FOCAD: variants seen among roughly 807,000 people sequenced by gnomAD.
The protein encoded by FOCAD is KIAA1797.
A neutral mutation model predicts 225.6 loss-of-function variants in FOCAD; 198 were observed. That is an observed-to-expected ratio of 0.88 (90% CI 0.78 to 0.99). The LOEUF is 0.99. Ranked by LOEUF, FOCAD falls within the 50% of genes least tolerant of loss-of-function variation. FOCAD has a pLI of 0.00. For missense variants in FOCAD, 2,713 were observed against 2,123.6 expected, an observed-to-expected ratio of 1.28 and a Z score of -5.46; for synonymous variants, 897 against 755.0, an observed-to-expected ratio of 1.19 and a Z score of -3.08.
chr9:20,981,030 C>T (rs1840648900), intron 37 of FOCAD, among the ~76,000 whole-genome samples: 1 of 152,168 alleles, frequency 6.6e-6, no homozygotes, highest in Non-Finnish European at 1.5e-5. Context: ...TGATTTTCAG[C>T]AGTTGAGCCT....
chr9:20,986,181 A>G (rs904383502), intron 39 of FOCAD, 107 bp from the exon 40 acceptor site: 4 of 1,063,184 alleles, frequency 3.8e-6, no homozygotes, highest in African/African-American at 3.2e-5. Context: ...AATGAACAGA[A>G]TAGTAACATC....
At chr9:20,687,701 A>G (rs191622323) in intron 1 of FOCAD, among the ~76,000 whole-genome samples, 87 of 152,298 alleles carry the variant, frequency 5.7e-4, no homozygotes, top group Admixed American at 1.5e-3. Context: ...TGTATTCATT[A>G]TTTTTTATTT....
At chr9:20,981,361 A>G in intron 37 of FOCAD, 65 bp from the exon 38 acceptor site, 1 of 1,536,246 alleles carries the variant, frequency 6.5e-7, no homozygotes, top group East Asian at 2.3e-5. Flanking sequence ...GATGATGTAC[A>G]GGTTTTGAAC....
chr9:20,704,873 A>G (rs1824252763), intron 1 of FOCAD, among the ~76,000 whole-genome samples: 1 of 152,218 alleles, frequency 6.6e-6, no homozygotes, highest in Non-Finnish European at 1.5e-5. Context: ...CTTTATTAAA[A>G]TTACAAAACA....
At chr9:20,961,132 GCTCCT>G (rs907171465) in intron 35 of FOCAD, among the ~76,000 whole-genome samples, 4 of 151,114 alleles carry the variant, frequency 2.6e-5, no homozygotes, top group Non-Finnish European at 3.0e-5. Flanking sequence ...GTAAGAAATG[GCTCCT>G]CTCCTCTCCT....
chr9:20,777,825 G>A (rs1029623338), intron 8 of FOCAD, among the ~76,000 whole-genome samples: 17 of 151,992 alleles, frequency 1.1e-4, no homozygotes, highest in South Asian at 2.1e-4. Flanking sequence ...TGTTTAGGCC[G>A]GGCTCGGTGG....
Position 20,874,741 on chromosome 9 carries a change from G to C in FOCAD, c.2251G>C (p.Asp751His). 1 of 1,613,596 alleles carries C rather than the reference G, an allele frequency of 6.2e-7. No individual in the cohort carries two copies. ...TGACGATGAAGATGTTGAGGATGTG[G>C]ATCTTTCAGTTCCTGGCTCTTGCTA... The part of the protein sequence containing the change: ...LDDDEDVEDV[D>H]LSVPGSCYLK... The change falls in exon 19 of 44, where the codon GAT becomes CAT. Residue 751 changes from aspartate (D) to histidine (H), a missense_variant. Physicochemically the swap from Asp to His is moderately conservative, Grantham distance 81 (BLOSUM62 -1). Transcript: ENST00000338382.
At chr9:20,764,442 C>T (rs1452604913) in intron 6 of FOCAD, among the ~76,000 whole-genome samples, 1 of 152,160 alleles carries the variant, frequency 6.6e-6, no homozygotes, top group Non-Finnish European at 1.5e-5. Flanking sequence ...TTAGTAGAGA[C>T]AGTGTTTCAC....
chr9:20,990,582 G>A (rs1156746563), intron 42 of FOCAD, among the ~76,000 whole-genome samples: 1 of 152,210 alleles, frequency 6.6e-6, no homozygotes, highest in African/African-American at 2.4e-5. Flanking sequence ...CAAGGTGGCA[G>A]CTTGCTTACA....
chr9:20,733,378 T>C (rs1352007378), intron 4 of FOCAD, among the ~76,000 whole-genome samples: 2 of 152,174 alleles, frequency 1.3e-5, no homozygotes, highest in Admixed American at 6.5e-5. Flanking sequence ...TATTATACTT[T>C]AAGTTTTAGG....
rs765136550 is a variant in FOCAD at position 20,995,543 on chromosome 9, T to G, written c.5333-13T>G. 4 of 1,610,332 alleles carry G rather than the reference T, an allele frequency of 2.5e-6. No individual in the cohort carries two copies. Among genetic ancestry groups the G allele is most frequent in the Non-Finnish European group, 3.4e-6 (4 of 1,176,922 alleles). On this transcript the variant is annotated splice_polypyrimidine_tract_variant and intron_variant, in intron 43 of 43. Transcript: ENST00000338382. ...TTTTCAAATGCAGCCATACCTATAT[T>G]TTGTCCCCTTAGCCACCCTGCTGTC...
At chr9:20,762,590 C>T (rs764070532) in intron 6 of FOCAD, among the ~76,000 whole-genome samples, 3 of 152,086 alleles carry the variant, frequency 2.0e-5, no homozygotes, top group Non-Finnish European at 4.4e-5. Flanking sequence ...ATCTTAATGG[C>T]ATTTTGAAAT....
At chr9:20,794,545 C>A (rs111498714) in intron 11 of FOCAD, among the ~76,000 whole-genome samples, 2 of 152,242 alleles carry the variant, frequency 1.3e-5, no homozygotes, top group African/African-American at 4.8e-5. Flanking sequence ...CCAGAAAACT[C>A]TTTCCCTGAG....
intron 42 of FOCAD, 38 bp downstream of exon 42, chr9:20,990,412 C>A (rs1280943037): frequency 1.2e-6 from 2 of 1,605,540 alleles, no homozygotes; most frequent in South Asian, 2.2e-5. Context: ...GGGCAGGCAG[C>A]CATTGTCTCT....
In FOCAD at chr9:20,854,845, C is replaced by G. The variant is rs1292413538; in HGVS notation, c.1921-7733C>G. Among the ~76,000 whole-genome samples the G allele has an allele frequency of 2.0e-5, 3 of 151,720 alleles. No individual in the cohort carries two copies. The East Asian group carries it at 5.8e-4, about 29-fold the overall frequency. On this transcript the variant is annotated intron_variant, in intron 15 of 43. Transcript: ENST00000338382. Reference sequence around the variant, plus strand: ...TGATTGATTGATTACATGTTTTGCCCCTACTATTCAATGGTAGATTTAGCA... The same window carrying G: ...TGATTGATTGATTACATGTTTTGCCGCTACTATTCAATGGTAGATTTAGCA...
chr9:20,918,528 C>T (rs1057036829), intron 24 of FOCAD, among the ~76,000 whole-genome samples: 1 of 151,930 alleles, frequency 6.6e-6, no homozygotes, highest in East Asian at 1.9e-4. Flanking sequence ...TCGAGACCAT[C>T]CCGGCTAAAA....
intron 23 of FOCAD, among the ~76,000 whole-genome samples, chr9:20,913,767 A>G (rs2132064518): frequency 6.6e-6 from 1 of 152,328 alleles, no homozygotes; most frequent in East Asian, 1.9e-4. Flanking sequence ...TATTGGATTT[A>G]GGATTAGAGG....
intron 23 of FOCAD, 115 bp from the exon 24 acceptor site, chr9:20,916,778 T>G: frequency 1.1e-6 from 1 of 886,292 alleles, no homozygotes. Context: ...ATTCTACCTG[T>G]ATAGTTTTAA....
chr9:20,712,147 C>G (rs1215893629), intron 1 of FOCAD, among the ~76,000 whole-genome samples: 1 of 152,102 alleles, frequency 6.6e-6, no homozygotes, highest in Non-Finnish European at 1.5e-5. Context: ...TTCCTGTATT[C>G]GACTTTCTAC....
Sources: allele counts gnomAD v4.1 joint callset (sites outside exome capture counted in the v4.1 genomes callset), GRCh38; gene constraint gnomAD v4.1.1; transcripts MANE v1.5; gene names NCBI Gene and HGNC (gene_info 2026-07-23, HGNC 2026-07-21).